The following KCNMB2 variants were observed in gnomAD, a reference collection of about 807,000 sequenced individuals.
KCNMB2 encodes the protein calcium-activated potassium channel subunit beta-2.
A neutral mutation model predicts 24.5 loss-of-function variants in KCNMB2; 9 were observed. That is an observed-to-expected ratio of 0.37 (90% CI 0.22 to 0.64). The LOEUF (loss-of-function observed/expected upper bound fraction) is 0.64. Among genes scored for constraint, KCNMB2 ranks in the 30% least tolerant of loss-of-function variants. KCNMB2 has a pLI of 0.63. For missense variants in KCNMB2, 226 were observed against 284.3 expected (o/e 0.79, Z 1.47); for synonymous variants, 109 against 104.4 (o/e 1.04, Z -0.27).
At chr3:178,564,041 G>A (rs1266887726) in intron 1 of KCNMB2, among the ~76,000 whole-genome samples, 4 of 152,240 alleles carry the variant, frequency 2.6e-5, no homozygotes, top group South Asian at 2.1e-4. Flanking sequence ...AGCACTTTGG[G>A]AGGCAAGGCA....
chr3:178,641,066 A>G (rs1719711402), intron 1 of KCNMB2, among the ~76,000 whole-genome samples: 1 of 152,106 alleles, frequency 6.6e-6, no homozygotes, highest in Non-Finnish European at 1.5e-5. Flanking sequence ...GTGTCTATTA[A>G]TTTACCAATA....
chr3:178,579,669 TA>T (rs1717125976), intron 1 of KCNMB2, among the ~76,000 whole-genome samples: 2 of 151,984 alleles, frequency 1.3e-5, no homozygotes, highest in South Asian at 2.1e-4. Flanking sequence ...ATAGACACAA[TA>T]AAAAATGATA....
chr3:178,607,714 A>G (rs1192578463), intron 1 of KCNMB2, among the ~76,000 whole-genome samples: 1 of 152,178 alleles, frequency 6.6e-6, no homozygotes. Context: ...ATTAGCAAAT[A>G]CTAAAGACAA....
chr3:178,581,490 T>C lies in KCNMB2; in HGVS notation c.-68+44779T>C, dbSNP rs372115032. On this transcript the variant is annotated intron_variant, in intron 1 of 4. Transcript: ENST00000452583. The stretch of plus-strand genomic sequence containing the variant: ...TTCGTGACTAAAACACCAAAAGCAA[T>C]GGCAACAAAAGCCAAAATAGACAAA... Among the ~76,000 whole-genome samples the C allele has an allele frequency of 1.5e-4, 23 of 152,212 alleles. No homozygotes were observed. The South Asian group carries it at 3.7e-3, about 25-fold the overall frequency.
intron 1 of KCNMB2, among the ~76,000 whole-genome samples, chr3:178,572,138 G>A (rs1051666009): frequency 2.0e-5 from 3 of 152,120 alleles, no homozygotes; most frequent in Admixed American, 1.3e-4. Flanking sequence ...CATTTCCAGG[G>A]GTAGCTGCAC....
intron 1 of KCNMB2, among the ~76,000 whole-genome samples, chr3:178,629,897 C>T (rs1187481357): frequency 6.6e-6 from 1 of 152,138 alleles, no homozygotes; most frequent in Non-Finnish European, 1.5e-5. Flanking sequence ...TTCTGCAGTA[C>T]AAACTACAGT....
chr3:178,596,768 C>A (rs1405934008), intron 1 of KCNMB2, among the ~76,000 whole-genome samples: 2 of 151,774 alleles, frequency 1.3e-5, no homozygotes, highest in Non-Finnish European at 2.9e-5. Context: ...GATATCTTTA[C>A]AACAGCCTGA....
At chr3:178,691,480 T>A (rs1254097986) in intron 1 of KCNMB2, among the ~76,000 whole-genome samples, 1 of 152,100 alleles carries the variant, frequency 6.6e-6, no homozygotes, top group East Asian at 1.9e-4. Flanking sequence ...ATTATTTAGC[T>A]CCCACTTAAT....
chr3:178,547,863 A>C (rs1180762265), intron 1 of KCNMB2, among the ~76,000 whole-genome samples: 1 of 152,192 alleles, frequency 6.6e-6, no homozygotes, highest in Non-Finnish European at 1.5e-5. Flanking sequence ...TTAGACTTCA[A>C]AATTCACTTG....
chr3:178,775,461 T>C (rs182843996), intron 1 of KCNMB2, among the ~76,000 whole-genome samples: 6 of 152,356 alleles, frequency 3.9e-5, no homozygotes, highest in East Asian at 1.9e-4. Flanking sequence ...CTAACACTTA[T>C]ATTCTAGATA....
At chr3:178,740,285 A>AT (rs1224359719) in intron 1 of KCNMB2, among the ~76,000 whole-genome samples, 1 of 151,510 alleles carries the variant, frequency 6.6e-6, no homozygotes, top group East Asian at 1.9e-4. Context: ...CACCTGGCTA[A>AT]TTTTTTTGTA....
intron 1 of KCNMB2, among the ~76,000 whole-genome samples, chr3:178,622,141 T>A (rs1042538227): frequency 1.3e-5 from 2 of 152,220 alleles, no homozygotes; most frequent in African/African-American, 4.8e-5. Context: ...TGAAAACTAT[T>A]ACTAGTCATG....
At chr3:178,689,970 TTTATGCAAATTTAGA>T in intron 1 of KCNMB2, among the ~76,000 whole-genome samples, 1 of 152,104 alleles carries the variant, frequency 6.6e-6, no homozygotes, top group Non-Finnish European at 1.5e-5. Flanking sequence ...TAATTGACAT[TTTATGCAAATTTAGA>T]TTGTGCAAAT....
intron 1 of KCNMB2, among the ~76,000 whole-genome samples, chr3:178,686,892 C>A (rs1721491004): frequency 6.6e-6 from 1 of 152,128 alleles, no homozygotes; most frequent in Admixed American, 6.6e-5. Flanking sequence ...CATGTTCCAA[C>A]CAACTGTAGA....
chr3:178,546,639 A>C (rs1396589651), intron 1 of KCNMB2, among the ~76,000 whole-genome samples: 6 of 152,198 alleles, frequency 3.9e-5, no homozygotes, highest in Non-Finnish European at 7.3e-5. Context: ...GTGTCTGGAG[A>C]GCAAGAGTCA....
chr3:178,724,889 T>G (rs1390976978), intron 1 of KCNMB2, among the ~76,000 whole-genome samples: 2 of 152,194 alleles, frequency 1.3e-5, no homozygotes, highest in Admixed American at 6.5e-5. Flanking sequence ...AGCACAATGC[T>G]GTTTTGGTTA....
Position 178,779,441 on chromosome 3 carries a change from G to A in KCNMB2, c.-67-27902G>A, listed in dbSNP as rs76311764. The stretch of plus-strand genomic sequence containing the variant: ...TACTGGCATAGGTAAAAATCAACAA[G>A]AACAAGGGAGAACATGACTGTTTTT... On this transcript the variant is annotated intron_variant, in intron 1 of 4. Transcript: ENST00000452583. 7.8e-3 allele frequency among the ~76,000 whole-genome samples: 1,192 copies of A among 152,262 alleles called. 15 individuals are homozygous for A. Among genetic ancestry groups the A allele is most frequent in the African/African-American group, 0.028 (1,159 of 41,554 alleles).
chr3:178,630,386 AC>A (rs1719275930), intron 1 of KCNMB2, among the ~76,000 whole-genome samples: 2 of 152,232 alleles, frequency 1.3e-5, no homozygotes, highest in African/African-American at 4.8e-5. Flanking sequence ...CGGGACTGCC[AC>A]CAGTAAGCTG....
At chr3:178,756,233 T>TGG (rs879452936) in intron 1 of KCNMB2, among the ~76,000 whole-genome samples, 55 of 151,754 alleles carry the variant, frequency 3.6e-4, no homozygotes, top group African/African-American at 1.2e-3. Context: ...TATGTGGGTG[T>TGG]GGGTGTGTGT....
Sources: allele counts gnomAD v4.1 joint callset (sites outside exome capture counted in the v4.1 genomes callset), GRCh38; gene constraint gnomAD v4.1.1; transcripts MANE v1.5; gene names NCBI Gene and HGNC (gene_info 2026-07-23, HGNC 2026-07-21).